The following RBMS3 variants were observed in gnomAD, a reference collection of about 807,000 sequenced individuals.
The protein encoded by RBMS3 is RNA-binding motif, single-stranded-interacting protein 3.
RBMS3 carries 27 observed loss-of-function variants against 66.8 expected under a neutral mutation model. The observed-to-expected ratio is 0.40, with a 90% CI of 0.30 to 0.56. The LOEUF is 0.56. Among genes scored for constraint, RBMS3 ranks in the 20% least tolerant of loss-of-function variants. The pLI, the probability that RBMS3 is intolerant of heterozygous loss-of-function variation, is 0.40. For missense variants in RBMS3, 513 were observed against 549.5 expected (o/e 0.93, Z 0.66); for synonymous variants, 188 against 183.0 (o/e 1.03, Z -0.22).
chr3:29,684,924 A>G (rs1217125925), intron 4 of RBMS3, among the ~76,000 whole-genome samples: 3 of 151,904 alleles, frequency 2.0e-5, no homozygotes, highest in Non-Finnish European at 4.4e-5. Context: ...TGTTTGGTTT[A>G]TGTTGCATGT....
intron 6 of RBMS3, among the ~76,000 whole-genome samples, chr3:29,784,779 C>A (rs1297161445): frequency 1.3e-5 from 2 of 151,824 alleles, no homozygotes; most frequent in South Asian, 2.1e-4. Context: ...AATTGATAGA[C>A]CGTTAGCAAA....
At chr3:29,571,050 G>GTT (rs776664856) in intron 3 of RBMS3, among the ~76,000 whole-genome samples, 1 of 152,064 alleles carries the variant, frequency 6.6e-6, no homozygotes, top group Non-Finnish European at 1.5e-5. Context: ...TCTCATCATA[G>GTT]TTTTGATTTG....
chr3:29,450,194 G>A (rs2041968636), intron 2 of RBMS3, among the ~76,000 whole-genome samples: 1 of 152,134 alleles, frequency 6.6e-6, no homozygotes, highest in African/African-American at 2.4e-5. Flanking sequence ...AGCATGGAGG[G>A]AATGAATTTG....
intron 4 of RBMS3, among the ~76,000 whole-genome samples, chr3:29,682,838 G>GATTGGC (rs1193476657): frequency 6.6e-6 from 1 of 152,216 alleles, no homozygotes; most frequent in Non-Finnish European, 1.5e-5. Flanking sequence ...GAAGGAGATA[G>GATTGGC]ATTGGCAGAA....
intron 4 of RBMS3, among the ~76,000 whole-genome samples, chr3:29,720,638 G>A (rs6780134): frequency 0.36 from 54,963 of 151,416 alleles, 10,542 homozygotes; most frequent in African/African-American, 0.5. Context: ...TATTGGCATT[G>A]TTCTCACTAA....
chr3:29,448,901 G>T (rs1020012346), intron 2 of RBMS3, among the ~76,000 whole-genome samples: 30 of 152,188 alleles, frequency 2.0e-4, no homozygotes, highest in African/African-American at 6.3e-4. Flanking sequence ...TACTGCAAGT[G>T]ACTGAATGAG....
At chr3:29,359,267 A>T (rs1415818565) in intron 1 of RBMS3, among the ~76,000 whole-genome samples, 1 of 152,154 alleles carries the variant, frequency 6.6e-6, no homozygotes, top group Non-Finnish European at 1.5e-5. Context: ...GGGCTGTTGA[A>T]TTTTGTCAAA....
chr3:29,876,313 ATTATCT>A (rs1559760261), intron 7 of RBMS3, among the ~76,000 whole-genome samples: 3 of 152,168 alleles, frequency 2.0e-5, no homozygotes, highest in Admixed American at 1.3e-4. Context: ...GCTAAAAAAA[ATTATCT>A]TTAGAAGTTC....
chr3:29,588,352 C>T (rs2047606731), intron 4 of RBMS3, among the ~76,000 whole-genome samples: 1 of 152,026 alleles, frequency 6.6e-6, no homozygotes, highest in Admixed American at 6.6e-5. Context: ...CTCGTGTATA[C>T]ATTTAAGTAT....
chr3:29,904,883 T>C (rs796169457), intron 10 of RBMS3, among the ~76,000 whole-genome samples: 3 of 152,156 alleles, frequency 2.0e-5, no homozygotes, highest in African/African-American at 7.2e-5. Flanking sequence ...AGTTTTCTTT[T>C]GAGGTACTGA....
chr3:29,441,900 C>T (rs1438527539), intron 2 of RBMS3, among the ~76,000 whole-genome samples: 1 of 152,166 alleles, frequency 6.6e-6, no homozygotes, highest in African/African-American at 2.4e-5. Flanking sequence ...ATGGGACCTA[C>T]CACTGTGCTT....
chr3:29,405,399 G>A (rs2039977334), intron 1 of RBMS3, among the ~76,000 whole-genome samples: 1 of 152,080 alleles, frequency 6.6e-6, no homozygotes, highest in South Asian at 2.1e-4. Flanking sequence ...TTTATTTTGT[G>A]TGCCTCTGAG....
rs114993945 is a variant in RBMS3 at position 29,519,019 on chromosome 3, G to A, written c.307+30520G>A. On this transcript the variant is annotated intron_variant, in intron 3 of 14. Transcript: ENST00000383767. ...AGAATACGCAGAGAGCAAATTCTGC[G>A]CTTTGAGTGTATTTTCGTGTTCCAA... Among the ~76,000 whole-genome samples the A allele has an allele frequency of 7.6e-3, 1,161 of 152,196 alleles. 15 individuals carry two copies. Among genetic ancestry groups the A allele is most frequent in the African/African-American group, 0.027 (1,108 of 41,520 alleles).
At chr3:29,522,938 C>T (rs891285019) in intron 3 of RBMS3, among the ~76,000 whole-genome samples, 1 of 152,152 alleles carries the variant, frequency 6.6e-6, no homozygotes, top group African/African-American at 2.4e-5. Flanking sequence ...TTCTCTTTTG[C>T]AGCATTGTCG....
intron 2 of RBMS3, among the ~76,000 whole-genome samples, chr3:29,448,400 T>C: frequency 6.6e-6 from 1 of 152,216 alleles, no homozygotes; most frequent in East Asian, 1.9e-4. Context: ...TCATTTTGTT[T>C]GAGCAGAAAG....
chr3:29,401,542 G>A (rs2039810421), intron 1 of RBMS3, among the ~76,000 whole-genome samples: 1 of 151,984 alleles, frequency 6.6e-6, no homozygotes, highest in South Asian at 2.1e-4. Flanking sequence ...GCTGACTACT[G>A]CTTTCTTAAA....
chr3:29,837,433 T>G (rs546683510), intron 6 of RBMS3, among the ~76,000 whole-genome samples: 2 of 151,644 alleles, frequency 1.3e-5, no homozygotes, highest in African/African-American at 4.8e-5. Flanking sequence ...AATCTGGATT[T>G]TTGTACCATT....
rs186029960 is a variant in RBMS3 at position 29,700,896 on chromosome 3, G to A, written c.400-38824G>A. 3.3e-3 allele frequency among the ~76,000 whole-genome samples: 495 copies of A among 152,262 alleles called. 4 individuals are homozygous for A. The highest frequency in any genetic ancestry group is 0.011 in the African/African-American group (477 of 41,558). ...TTCGTGTGCATGTGTACACGTATACGTTGGAGATTGGACATTGCGCTTTTT... is the reference window on the plus strand; with the variant it reads ...TTCGTGTGCATGTGTACACGTATACATTGGAGATTGGACATTGCGCTTTTT... On this transcript the variant is annotated intron_variant, in intron 4 of 14. Transcript: ENST00000383767.
chr3:29,749,508 T>C (rs1176504994), intron 5 of RBMS3, among the ~76,000 whole-genome samples: 1 of 152,204 alleles, frequency 6.6e-6, no homozygotes, highest in Non-Finnish European at 1.5e-5. Flanking sequence ...ATAAGGAATC[T>C]CAAATTAGAT....
Sources: gnomAD v4.1 joint callset for allele counts (sites outside exome capture counted in the v4.1 genomes callset) on GRCh38, gnomAD v4.1.1 for gene constraint, MANE v1.5 for transcripts, NCBI Gene and HGNC (gene_info 2026-07-23, HGNC 2026-07-21) for gene names.